RANBP17: variants seen among roughly 807,000 people sequenced by gnomAD.
RANBP17 encodes the protein ran-binding protein 17.
A neutral mutation model predicts 141.2 loss-of-function variants in RANBP17; 158 were observed. The ratio of observed to expected loss-of-function variants is 1.12; its 90% CI spans 0.98 to 1.28. The LOEUF (loss-of-function observed/expected upper bound fraction) is 1.28, where lower values mean the gene tolerates loss of function less well. Ranked by LOEUF, RANBP17 falls within the 50% of genes most tolerant of loss-of-function variation. The pLI is 0.00. For synonymous variants in RANBP17, 430 were observed against 450.0 expected, an observed-to-expected ratio of 0.96 and a Z score of 0.56; for missense variants, 1,438 against 1,290.7, an observed-to-expected ratio of 1.11 and a Z score of -1.75.
chr5:171,240,962 A>C lies in RANBP17; in HGVS notation c.2457A>C (p.Lys819Asn), dbSNP rs1764840979. The change falls in exon 23 of 28, where the codon AAA becomes AAC. Residue 819 changes from lysine to asparagine, a missense_variant. Coordinates refer to ENST00000523189, the MANE Select transcript of RANBP17 (RefSeq NM_022897.5). ...TCCTGTCCCTTGGGAGCCTCTCAAAAGATCAGATTTATCCAATGAAACTCA... is the reference window on the plus strand; with the variant it reads ...TCCTGTCCCTTGGGAGCCTCTCAAACGATCAGATTTATCCAATGAAACTCA... ...NQILSLGSLS[K>N]DQIYPMKLKG... 6.2e-7 allele frequency: 1 copy of C among 1,613,856 alleles called. No individual in the cohort carries two copies. The highest frequency in any genetic ancestry group is 8.5e-7 in the Non-Finnish European group (1 of 1,179,812).
At chr5:170,968,184 ATGT>A (rs1228381749) in intron 13 of RANBP17, 55 bp from the exon 14 acceptor site, 2 of 1,218,206 alleles carry the variant, frequency 1.6e-6, no homozygotes, top group Non-Finnish European at 1.1e-6. Context: ...AAATGTTTTA[ATGT>A]TGTTTCTCTA....
intron 14 of RANBP17, among the ~76,000 whole-genome samples, chr5:171,151,511 A>G (rs1758475649): frequency 6.6e-6 from 1 of 152,380 alleles, no homozygotes; most frequent in African/African-American, 2.4e-5. Flanking sequence ...AATGGCACAA[A>G]TTAAAAATAT....
Position 171,148,526 on chromosome 5 carries a change from C to G in RANBP17, c.1711-21604C>G, listed in dbSNP as rs543023375. Among the ~76,000 whole-genome samples, 5 of 152,052 alleles carry G rather than the reference C, an allele frequency of 3.3e-5. No homozygotes were observed. In the East Asian group the frequency reaches 9.6e-4, roughly 29 times the overall value. On this transcript the variant is annotated intron_variant, in intron 14 of 27. Coordinates refer to ENST00000523189, the MANE Select transcript of RANBP17 (RefSeq NM_022897.5). Reference sequence around the variant, plus strand: ...AATGAATATGAAACCACATTTGATGCTATCAGATACTTGTAAATAGTGTAT... The same window carrying G: ...AATGAATATGAAACCACATTTGATGGTATCAGATACTTGTAAATAGTGTAT...
intron 14 of RANBP17, among the ~76,000 whole-genome samples, chr5:171,038,162 T>TTTTG (rs1554085878): frequency 1.8e-4 from 26 of 144,756 alleles, no homozygotes; most frequent in African/African-American, 6.3e-4. Flanking sequence ...TTCTTAGGTA[T>TTTTG]TGTGTGTGTG....
intron 3 of RANBP17, among the ~76,000 whole-genome samples, chr5:170,886,177 G>A (rs1257783366): frequency 6.6e-6 from 1 of 152,168 alleles, no homozygotes; most frequent in Non-Finnish European, 1.5e-5. Flanking sequence ...AATTAGAGAT[G>A]TGTTTAGGGG....
chr5:171,180,223 A>G (rs1461250415), intron 16 of RANBP17, among the ~76,000 whole-genome samples: 1 of 152,172 alleles, frequency 6.6e-6, no homozygotes, highest in Non-Finnish European at 1.5e-5. Flanking sequence ...TCCGATTTCA[A>G]TTGTATTTCA....
intron 14 of RANBP17, among the ~76,000 whole-genome samples, chr5:171,105,809 A>C (rs1332151502): frequency 1.3e-5 from 2 of 152,194 alleles, no homozygotes; most frequent in African/African-American, 4.8e-5. Flanking sequence ...TTAGTCTGAT[A>C]CAGAAACCAA....
chr5:171,024,396 C>A (rs1781093012), intron 14 of RANBP17, among the ~76,000 whole-genome samples: 1 of 152,126 alleles, frequency 6.6e-6, no homozygotes, highest in Non-Finnish European at 1.5e-5. Flanking sequence ...CACAGTCATT[C>A]TTTTACATAT....
At chr5:170,958,334 T>C (rs962898263) in intron 13 of RANBP17, among the ~76,000 whole-genome samples, 26 of 152,290 alleles carry the variant, frequency 1.7e-4, no homozygotes, top group African/African-American at 5.8e-4. Flanking sequence ...TTGTCTCTCT[T>C]TTCTGGGAAG....
At chr5:170,895,119 C>T (rs1382795963) in intron 4 of RANBP17, among the ~76,000 whole-genome samples, 1 of 152,128 alleles carries the variant, frequency 6.6e-6, no homozygotes, top group Non-Finnish European at 1.5e-5. Context: ...GACACTCAGA[C>T]TGTCTTGAAA....
intron 13 of RANBP17, among the ~76,000 whole-genome samples, chr5:170,960,839 C>G (rs1776087914): frequency 6.6e-6 from 1 of 152,228 alleles, no homozygotes; most frequent in Non-Finnish European, 1.5e-5. Flanking sequence ...CTGCCATTCA[C>G]TACATTATAG....
chr5:170,964,425 T>G (rs927410691), intron 13 of RANBP17, among the ~76,000 whole-genome samples: 5 of 152,140 alleles, frequency 3.3e-5, no homozygotes, highest in African/African-American at 1.2e-4. Flanking sequence ...ACTTTAAGTT[T>G]TAGGGTACAT....
At chr5:171,137,533 T>C (rs1431917269) in intron 14 of RANBP17, among the ~76,000 whole-genome samples, 1 of 151,396 alleles carries the variant, frequency 6.6e-6, no homozygotes, top group Non-Finnish European at 1.5e-5. Context: ...AAGAGAAACT[T>C]CTTAATTTAG....
At chr5:171,099,986 T>G (rs138330669) in intron 14 of RANBP17, among the ~76,000 whole-genome samples, 6,980 of 152,150 alleles carry the variant, frequency 0.046, 197 homozygotes, top group East Asian at 0.12. Flanking sequence ...TTTTTAATGT[T>G]TTGCTGGATT....
rs548489026 is a variant in RANBP17 at position 170,890,854 on chromosome 5, T to G, written c.257-1533T>G. Among the ~76,000 whole-genome samples, 6 of 152,326 alleles carry G rather than the reference T, an allele frequency of 3.9e-5. No homozygotes were observed. In the South Asian group the frequency reaches 1.0e-3, roughly 26 times the overall value. On this transcript the variant is annotated intron_variant, in intron 3 of 27. Transcript: ENST00000523189. ...GCTTTCTTGAATTTATATATTTATTTTATCATATTATACTGTTTATGTTTG... is the reference window on the plus strand; with the variant it reads ...GCTTTCTTGAATTTATATATTTATTGTATCATATTATACTGTTTATGTTTG...
chr5:171,012,972 A>G (rs1447051329), intron 14 of RANBP17, among the ~76,000 whole-genome samples: 1 of 152,192 alleles, frequency 6.6e-6, no homozygotes, highest in Non-Finnish European at 1.5e-5. Flanking sequence ...TCAGCTTTTC[A>G]GTTAACCCAA....
At chr5:171,295,751 A>G in intron 26 of RANBP17, 136 bp from the exon 27 acceptor site, 2 of 857,686 alleles carry the variant, frequency 2.3e-6, no homozygotes, top group Non-Finnish European at 3.6e-6. Context: ...CTTAAAGTTC[A>G]AAGTGGACCT....
chr5:171,214,642 A>C (rs1287043518), intron 21 of RANBP17, among the ~76,000 whole-genome samples: 1 of 152,204 alleles, frequency 6.6e-6, no homozygotes, highest in African/African-American at 2.4e-5. Context: ...AAGACCTTGC[A>C]AATAAAGAAA....
intron 25 of RANBP17, among the ~76,000 whole-genome samples, chr5:171,272,521 A>C (rs573076701): frequency 2.6e-5 from 4 of 151,858 alleles, no homozygotes; most frequent in Non-Finnish European, 5.9e-5. Flanking sequence ...TGAGGCACAA[A>C]AAAAAATAGG....
Sources: allele counts gnomAD v4.1 joint callset (sites outside exome capture counted in the v4.1 genomes callset), GRCh38; gene constraint gnomAD v4.1.1; transcripts MANE v1.5; gene names NCBI Gene and HGNC (gene_info 2026-07-23, HGNC 2026-07-21).